WDSUB1: variants seen among roughly 807,000 people sequenced by gnomAD.
WDSUB1 encodes the protein WD repeat, sterile alpha motif and U-box domain containing 1.
Under a neutral mutation model 53.9 loss-of-function variants are expected in WDSUB1, and 49 were observed. The ratio of observed to expected loss-of-function variants is 0.91; its 90% CI spans 0.72 to 1.15. The LOEUF is 1.15. Ranked by LOEUF, WDSUB1 falls within the 50% of genes most tolerant of loss-of-function variation. The pLI, the probability that WDSUB1 is intolerant of heterozygous loss-of-function variation, is 0.00. For synonymous variants in WDSUB1, 194 were observed against 200.6 expected, an observed-to-expected ratio of 0.97 and a Z score of 0.28; for missense variants, 514 against 562.0, an observed-to-expected ratio of 0.91 and a Z score of 0.86.
chr2:159,283,906 G>A (rs1430408170), intron 1 of WDSUB1, among the ~76,000 whole-genome samples: 9 of 152,124 alleles, frequency 5.9e-5, no homozygotes, highest in Non-Finnish European at 1.5e-5. Flanking sequence ...CTCCCGCCTC[G>A]CGGGTTCAAG....
intron 10 of WDSUB1, among the ~76,000 whole-genome samples, chr2:159,240,641 A>G (rs977036145): frequency 6.6e-6 from 1 of 152,208 alleles, no homozygotes; most frequent in Non-Finnish European, 1.5e-5. Context: ...TTTAATCTGC[A>G]CAACAACCTT....
intron 10 of WDSUB1, among the ~76,000 whole-genome samples, chr2:159,246,469 A>G (rs999821804): frequency 6.6e-6 from 1 of 150,636 alleles, no homozygotes; most frequent in African/African-American, 2.4e-5. Flanking sequence ...ATACCACTTC[A>G]TATCCACTAA....
Position 159,247,910 on chromosome 2 carries a change from A to ATATAAATATATAT in WDSUB1, c.1273+461_1273+462insATATATATTTATA, listed in dbSNP as rs2060846247. Among the ~76,000 whole-genome samples the ATATAAATATATAT allele has an allele frequency of 8.5e-4, 15 of 17,668 alleles. 1 individual carries two copies. Among genetic ancestry groups the ATATAAATATATAT allele is most frequent in the Non-Finnish European group, 1.9e-3 (14 of 7,516 alleles). The allele number at this position is 17,668 out of a possible 152,430, so 11.6% of individuals were successfully genotyped here. A position where few individuals can be genotyped will look rare whatever the true frequency, so the allele number is the denominator to read the frequency against. ...AAATATATATATATATATATATATA[A>ATATAAATATATAT]ATATATATATATATATAAATATATA... On this transcript the variant is annotated intron_variant, in intron 10 of 10. Coordinates refer to ENST00000359774, the MANE Select transcript of WDSUB1 (RefSeq NM_001128212.3).
At chr2:159,249,936 A>G (rs1009827708) in intron 9 of WDSUB1, among the ~76,000 whole-genome samples, 22 of 151,614 alleles carry the variant, frequency 1.5e-4, no homozygotes, top group African/African-American at 5.1e-4. Context: ...AAGAAAGAAA[A>G]AAAATAGCTG....
At chr2:159,278,825 T>C (rs2061595306) in intron 3 of WDSUB1, among the ~76,000 whole-genome samples, 1 of 152,166 alleles carries the variant, frequency 6.6e-6, no homozygotes. Context: ...ACTGATGGGC[T>C]TGAAAAGGGG....
intron 9 of WDSUB1, among the ~76,000 whole-genome samples, chr2:159,252,618 T>G (rs1465612854): frequency 3.3e-5 from 5 of 152,198 alleles, no homozygotes; most frequent in Non-Finnish European, 5.9e-5. Flanking sequence ...TATTTCACTT[T>G]AATCACATAT....
At chr2:159,274,433 A>G (rs1326604071) in intron 4 of WDSUB1, among the ~76,000 whole-genome samples, 1 of 152,226 alleles carries the variant, frequency 6.6e-6, no homozygotes, top group Admixed American at 6.5e-5. Flanking sequence ...ATCAATAGCC[A>G]GGAAAAAGGA....
chr2:159,237,612 T>C (rs894533927), intron 10 of WDSUB1, among the ~76,000 whole-genome samples: 1 of 152,136 alleles, frequency 6.6e-6, no homozygotes, highest in Non-Finnish European at 1.5e-5. Context: ...CCTTCCCATA[T>C]AAGTAACCAT....
At chr2:159,236,603 A>AGAT (rs2060488536) in intron 10 of WDSUB1, among the ~76,000 whole-genome samples, 2 of 152,180 alleles carry the variant, frequency 1.3e-5, no homozygotes, top group Admixed American at 1.3e-4. Context: ...AGGTACCCAG[A>AGAT]GATGACAGAA....
chr2:159,261,878 ATATATATATATATATATATTTTTTTTT>A (rs2061214660), intron 5 of WDSUB1, among the ~76,000 whole-genome samples: 1 of 15,750 alleles, frequency 6.3e-5, no homozygotes, highest in African/African-American at 3.6e-4. Context: ...ATATATATAT[ATATATATATATATATATATTTTTTTTT>A]TTTTTTTTTT....
chr2:159,270,675 T>G (rs148286364), intron 5 of WDSUB1, among the ~76,000 whole-genome samples: 3 of 152,292 alleles, frequency 2.0e-5, no homozygotes, highest in East Asian at 3.9e-4. Context: ...TCATACACAT[T>G]AAGTGTGAAA....
At position 159,247,938 on chromosome 2, in the gene WDSUB1, TATATAA is replaced by T. The variant is rs1439465469; in HGVS notation, c.1273+428_1273+433del. Among the ~76,000 whole-genome samples the T allele has an allele frequency of 4.2e-3, 357 of 85,232 alleles. 8 individuals are homozygous for T. The highest frequency in any genetic ancestry group is 0.033 in the African/African-American group (303 of 9,258). 55.9% of individuals were successfully genotyped at this position (85,232 alleles called of 152,430 possible). ...ATATATATATATATAAATATATATA[TATATAA>T]AATTTGGATTCACTGATTACAACTA... On this transcript the variant is annotated intron_variant, in intron 10 of 10. Coordinates refer to ENST00000359774, the MANE Select transcript of WDSUB1 (RefSeq NM_001128212.3).
At chr2:159,280,071 C>A in intron 2 of WDSUB1, 126 bp from the exon 3 acceptor site, 3 of 753,136 alleles carry the variant, frequency 4.0e-6, no homozygotes, top group South Asian at 2.7e-5. Context: ...AGAGAAAGGA[C>A]AACTGATGCC....
intron 5 of WDSUB1, among the ~76,000 whole-genome samples, chr2:159,262,704 A>G (rs886196921): frequency 5.9e-5 from 9 of 152,194 alleles, no homozygotes. Flanking sequence ...AAAATAACAG[A>G]AGTTTTCAAT....
intron 5 of WDSUB1, among the ~76,000 whole-genome samples, chr2:159,267,925 C>G (rs767635391): frequency 2.0e-5 from 3 of 152,090 alleles, no homozygotes; most frequent in Non-Finnish European, 4.4e-5. Context: ...TAGAAATATT[C>G]AGAAAAATAT....
intron 9 of WDSUB1, among the ~76,000 whole-genome samples, chr2:159,253,354 T>C (rs983106833): frequency 6.6e-6 from 1 of 151,280 alleles, no homozygotes; most frequent in Non-Finnish European, 1.5e-5. Flanking sequence ...TGTACGTCTA[T>C]TGTACCCTAG....
intron 9 of WDSUB1, among the ~76,000 whole-genome samples, chr2:159,253,203 A>G (rs1575449201): frequency 6.6e-6 from 1 of 152,238 alleles, no homozygotes; most frequent in African/African-American, 2.4e-5. Context: ...ATTAAATGTT[A>G]TAGTAGTAGT....
intron 1 of WDSUB1, among the ~76,000 whole-genome samples, chr2:159,285,598 C>T (rs1488147909): frequency 6.6e-6 from 1 of 152,020 alleles, no homozygotes; most frequent in East Asian, 1.9e-4. Flanking sequence ...CCCAGCTACT[C>T]GAGAAGCTGA....
intron 9 of WDSUB1, among the ~76,000 whole-genome samples, chr2:159,255,481 AAAAT>A (rs2061042951): frequency 6.7e-6 from 1 of 149,400 alleles, no homozygotes; most frequent in Non-Finnish European, 1.5e-5. Flanking sequence ...ATAAATAAAT[AAAAT>A]AAATTAAATT....
Sources: allele counts gnomAD v4.1 joint callset (sites outside exome capture counted in the v4.1 genomes callset), GRCh38; gene constraint gnomAD v4.1.1; transcripts MANE v1.5; gene names NCBI Gene and HGNC (gene_info 2026-07-23, HGNC 2026-07-21).